NALF1: variants seen among roughly 807,000 people sequenced by gnomAD.
The protein encoded by NALF1 is NALCN channel auxiliary factor 1, also known as family with sequence similarity 155 member A.
NALF1 carries 3 observed loss-of-function variants against 48.4 expected under a neutral mutation model. That is an observed-to-expected ratio of 0.06 (90% CI 0.03 to 0.16). The LOEUF (loss-of-function observed/expected upper bound fraction) is 0.16, where lower values mean the gene tolerates loss of function less well. Ranked by LOEUF, NALF1 falls within the 10% of genes least tolerant of loss-of-function variation. NALF1 has a pLI of 1.00. For missense variants in NALF1, 526 were observed against 571.5 expected (o/e 0.92, Z 0.81); for synonymous variants, 262 against 245.7 (o/e 1.07, Z -0.62).
chr13:107,769,521 C>T (rs1321970991), intron 1 of NALF1, among the ~76,000 whole-genome samples: 3 of 122,860 alleles, frequency 2.4e-5, no homozygotes, highest in Non-Finnish European at 4.7e-5. Context: ...AGGGGAATAT[C>T]GCACTCTGGG....
intron 1 of NALF1, among the ~76,000 whole-genome samples, chr13:107,690,088 G>A (rs1281109062): frequency 6.6e-6 from 1 of 152,142 alleles, no homozygotes; most frequent in Non-Finnish European, 1.5e-5. Flanking sequence ...TTGCAAGTAA[G>A]TCTTATTGTT....
At chr13:107,737,651 T>C (rs1876505140) in intron 1 of NALF1, among the ~76,000 whole-genome samples, 1 of 152,200 alleles carries the variant, frequency 6.6e-6, no homozygotes, top group African/African-American at 2.4e-5. Flanking sequence ...TTGCATACTT[T>C]TGCATAACTA....
In NALF1 at chr13:107,811,157, T is replaced by C. The variant is rs115656318; in HGVS notation, c.915+54525A>G. 4.3e-3 allele frequency among the ~76,000 whole-genome samples: 657 copies of C among 152,268 alleles called. 5 individuals are homozygous for C. Among genetic ancestry groups the C allele is most frequent in the African/African-American group, 0.015 (616 of 41,564 alleles). On this transcript the variant is annotated intron_variant, in intron 1 of 2. Transcript: ENST00000375915. ...GAGGCACTTTTAAGCTTTGCATTAT[T>C]CTTTAAGCAGCATCCATCTCCCTAC... is the stretch of plus-strand genomic sequence containing the variant.
chr13:107,662,556 G>T (rs1423970377), intron 1 of NALF1, among the ~76,000 whole-genome samples: 1 of 152,082 alleles, frequency 6.6e-6, no homozygotes, highest in African/African-American at 2.4e-5. Flanking sequence ...GAGTTGTATT[G>T]TTTTTAGCCA....
chr13:107,393,376 T>C (rs1339061851), intron 1 of NALF1, among the ~76,000 whole-genome samples: 4 of 152,134 alleles, frequency 2.6e-5, no homozygotes, highest in South Asian at 4.1e-4. Context: ...TTTGGCTTCA[T>C]GGAAATTTAT....
Position 107,428,761 on chromosome 13 carries a change from C to T in NALF1, c.916-218006G>A, listed in dbSNP as rs182831677. 1.7e-3 allele frequency among the ~76,000 whole-genome samples: 258 copies of T among 152,272 alleles called. No homozygotes were observed. In the Middle Eastern group the frequency reaches 0.017, roughly 10 times the overall value. On this transcript the variant is annotated intron_variant, in intron 1 of 2. Transcript: ENST00000375915. ...AAGTTTTGTGATAAATATTCCATTG[C>T]TAATTGTCTATGGTGGCTTCTTGGT...
rs1880343925 is a variant in NALF1, at chr13:107,647,477, A to C, written c.915+218205T>G. ...TATGTTTTATCGAAAAAAAAAAAAA[A>C]CTTAAACCTTCCCCTACTGATGGAC... On this transcript the variant is annotated intron_variant, in intron 1 of 2. Transcript: ENST00000375915. 2.0e-5 allele frequency among the ~76,000 whole-genome samples: 3 copies of C among 151,958 alleles called. No individual in the cohort carries two copies. In the South Asian group the frequency reaches 6.2e-4, roughly 32 times the overall value.
intron 1 of NALF1, among the ~76,000 whole-genome samples, chr13:107,550,197 C>T (rs1877253429): frequency 6.6e-6 from 1 of 151,994 alleles, no homozygotes; most frequent in Non-Finnish European, 1.5e-5. Context: ...TTTGTCTTAA[C>T]GTTCTTCCTT....
At chr13:107,602,362 C>CA (rs1187884766) in intron 1 of NALF1, among the ~76,000 whole-genome samples, 7 of 152,164 alleles carry the variant, frequency 4.6e-5, no homozygotes, top group African/African-American at 1.7e-4. Context: ...ATGTAAGGCA[C>CA]ACTCGACTAA....
At position 107,443,144 on chromosome 13, in the gene NALF1, TA is replaced by T. The variant is rs537662028; in HGVS notation, c.916-232390del. Among the ~76,000 whole-genome samples, 39 of 151,978 alleles carry T rather than the reference TA, an allele frequency of 2.6e-4. No individual in the cohort carries two copies. The East Asian group carries it at 4.1e-3, about 16-fold the overall frequency. ...CAATAGTATCAGAAACATTACAACA[TA>T]AATTTATTATTTATTTATCTAACAA... On this transcript the variant is annotated intron_variant, in intron 1 of 2. Coordinates refer to ENST00000375915, the MANE Select transcript of NALF1 (RefSeq NM_001080396.3).
At chr13:107,354,723 T>C (rs1882932388) in intron 1 of NALF1, among the ~76,000 whole-genome samples, 1 of 152,192 alleles carries the variant, frequency 6.6e-6, no homozygotes, top group African/African-American at 2.4e-5. Flanking sequence ...GCTCCCAATT[T>C]GGACTTCTGT....
intron 2 of NALF1, among the ~76,000 whole-genome samples, chr13:107,179,633 TA>T (rs1294892955): frequency 6.7e-6 from 1 of 150,344 alleles, no homozygotes; most frequent in African/African-American, 2.5e-5. Flanking sequence ...ATGTTATACC[TA>T]TTATGTACCC....
chr13:107,713,295 A>G (rs1875657509), intron 1 of NALF1, among the ~76,000 whole-genome samples: 1 of 152,226 alleles, frequency 6.6e-6, no homozygotes, highest in Non-Finnish European at 1.5e-5. Context: ...GAACACAATC[A>G]TATACTTGGG....
chr13:107,675,683 C>G (rs1344396433), intron 1 of NALF1, among the ~76,000 whole-genome samples: 5 of 152,086 alleles, frequency 3.3e-5, no homozygotes, highest in Non-Finnish European at 7.4e-5. Flanking sequence ...TTCTATCTCC[C>G]TAGCTACTGC....
intron 2 of NALF1, among the ~76,000 whole-genome samples, chr13:107,189,168 T>C (rs1879233752): frequency 6.6e-6 from 1 of 152,236 alleles, no homozygotes; most frequent in Admixed American, 6.5e-5. Context: ...GTCTTGAAGC[T>C]AAGCAGACAA....
intron 1 of NALF1, among the ~76,000 whole-genome samples, chr13:107,219,674 CAAT>C (rs1448050201): frequency 2.0e-5 from 3 of 151,950 alleles, no homozygotes; most frequent in Non-Finnish European, 4.4e-5. Flanking sequence ...TAGAAAATAC[CAAT>C]AATACCAACG....
intron 1 of NALF1, among the ~76,000 whole-genome samples, chr13:107,334,657 A>G (rs555377222): frequency 6.6e-6 from 1 of 152,358 alleles, no homozygotes; most frequent in East Asian, 1.9e-4. Context: ...TTTAAAGCTA[A>G]GACTTTTTAA....
chr13:107,774,898 A>G (rs548154044), intron 1 of NALF1, among the ~76,000 whole-genome samples: 7 of 152,172 alleles, frequency 4.6e-5, no homozygotes, highest in Admixed American at 2.0e-4. Flanking sequence ...ATATCTCTAT[A>G]TTATGCACAT....
chr13:107,759,442 T>C (rs1477333591), intron 1 of NALF1, among the ~76,000 whole-genome samples: 42 of 152,170 alleles, frequency 2.8e-4, no homozygotes. Context: ...TCTCCTGATC[T>C]CAGGATCCAC....
Sources: gnomAD v4.1 joint callset for allele counts (sites outside exome capture counted in the v4.1 genomes callset) on GRCh38, gnomAD v4.1.1 for gene constraint, MANE v1.5 for transcripts, NCBI Gene and HGNC (gene_info 2026-07-23, HGNC 2026-07-21) for gene names.